SLC18A2: variants seen among roughly 807,000 people sequenced by gnomAD.
SLC18A2 encodes the protein solute carrier family 18 member A2.
In SLC18A2, 33 loss-of-function variants were observed where a neutral mutation model predicts 59.2. The observed-to-expected ratio is 0.56, with a 90% CI of 0.42 to 0.75. The LOEUF (loss-of-function observed/expected upper bound fraction) is 0.75, where lower values mean the gene tolerates loss of function less well. Ranked by LOEUF, SLC18A2 falls within the 30% of genes least tolerant of loss-of-function variation. The pLI is 0.00. For missense variants in SLC18A2, 569 were observed against 668.6 expected (o/e 0.85, Z 1.64); for synonymous variants, 228 against 253.5 (o/e 0.90, Z 0.95).
intron 4 of SLC18A2, among the ~76,000 whole-genome samples, 165 bp from the exon 5 acceptor site, chr10:117,253,883 C>A (rs375971425): frequency 2.6e-5 from 4 of 152,182 alleles, no homozygotes; most frequent in Non-Finnish European, 2.9e-5. Context: ...TGTGTATTGG[C>A]AACAATTGCA....
intron 15 of SLC18A2, among the ~76,000 whole-genome samples, chr10:117,276,291 C>T (rs996017292): frequency 2.0e-5 from 3 of 151,806 alleles, no homozygotes; most frequent in Non-Finnish European, 4.4e-5. Flanking sequence ...AAAACAACAA[C>T]AAAAGATTGT....
chr10:117,266,710 G>C (rs363265), intron 10 of SLC18A2, 23 bp from the exon 11 acceptor site: 2 of 1,557,740 alleles, frequency 1.3e-6, no homozygotes, highest in Non-Finnish European at 8.9e-7. Context: ...CACTGATAAG[G>C]TCTCCTTTTC....
At position 117,257,794 on chromosome 10, in the gene SLC18A2, C is replaced by T. The variant is rs1185147954; in HGVS notation, c.896-3C>T. On this transcript the variant is annotated splice_polypyrimidine_tract_variant and splice_region_variant and intron_variant, in intron 9 of 15. Coordinates refer to ENST00000644641, the MANE Select transcript of SLC18A2 (RefSeq NM_003054.6). ...CACTACAAAGCCCTTTCCTCCCTTACAGGCTCCATCTGCTTTGCAAACATG... is the reference window on the plus strand; with the variant it reads ...CACTACAAAGCCCTTTCCTCCCTTATAGGCTCCATCTGCTTTGCAAACATG... 2.5e-6 allele frequency: 4 copies of T among 1,595,194 alleles called. No individual in the cohort carries two copies. The South Asian group carries it at 3.4e-5, about 13-fold the overall frequency.
At chr10:117,266,611 G>A (rs1023606798) in intron 10 of SLC18A2, 122 bp from the exon 11 acceptor site, 4 of 746,612 alleles carry the variant, frequency 5.4e-6, no homozygotes, top group South Asian at 1.9e-5. Context: ...AGCTGCTGGG[G>A]TGTGGGCCCC....
chr10:117,278,888 T>A lies in SLC18A2; in HGVS notation c.*1622T>A, dbSNP rs1211429850. The A allele has an allele frequency of 6.6e-6, 1 of 152,184 alleles. No homozygotes were observed. Among genetic ancestry groups the A allele is most frequent in the African/African-American group, 2.4e-5 (1 of 41,440 alleles). 9.4% of individuals were successfully genotyped at this position (152,184 alleles called of 1,614,324 possible). On this transcript the variant is annotated 3_prime_UTR_variant, in exon 16 of 16. Transcript: ENST00000644641. Reference sequence around the variant, plus strand: ...TTTGGAAGATGGCTCTGGAGGAAACTCTCATATGGCTAAAAAGGCAGGCTA... The same window carrying A: ...TTTGGAAGATGGCTCTGGAGGAAACACTCATATGGCTAAAAAGGCAGGCTA...
chr10:117,273,447 A>G (rs1844449751), intron 15 of SLC18A2, among the ~76,000 whole-genome samples: 1 of 152,164 alleles, frequency 6.6e-6, no homozygotes. Flanking sequence ...TGAAGTTTCT[A>G]ATTGTTGCCA....
chr10:117,271,175 G>T (rs1247638704), intron 15 of SLC18A2, among the ~76,000 whole-genome samples: 1 of 152,220 alleles, frequency 6.6e-6, no homozygotes, highest in Admixed American at 6.5e-5. Context: ...CTTATCTGGT[G>T]TTGCCAGTTT....
At chr10:117,270,011 T>C in intron 13 of SLC18A2, 60 bp from the exon 14 acceptor site, 1 of 1,599,182 alleles carries the variant, frequency 6.3e-7, no homozygotes, top group Non-Finnish European at 8.5e-7. Flanking sequence ...CTCCCTGATA[T>C]TCGGCCCATT....
intron 5 of SLC18A2, 84 bp downstream of exon 5, chr10:117,254,215 G>T: frequency 7.1e-7 from 1 of 1,407,728 alleles, no homozygotes; most frequent in East Asian, 2.3e-5. Flanking sequence ...GGTATTGGTG[G>T]TGGTTGGGGT....
rs1255575709 is a variant in SLC18A2 at position 117,257,867 on chromosome 10, C to G, written c.966C>G (p.Thr322=). 1 of 1,611,702 alleles carries G rather than the reference C, an allele frequency of 6.2e-7. No homozygotes were observed. The highest frequency in any genetic ancestry group is 2.2e-5 in the East Asian group (1 of 44,766). The change falls in exon 10 of 16, where the codon ACC becomes ACG. Residue 322 remains threonine (T), a synonymous_variant. Coordinates refer to ENST00000644641, the MANE Select transcript of SLC18A2 (RefSeq NM_003054.6). ...EPALPIWMME[T]MCSRKWQLGV... The stretch of plus-strand genomic sequence containing the variant: ...CCCTGCCCATCTGGATGATGGAGAC[C>G]ATGTGTTCCCGAAAGTGGCAGCTGG...
rs906999714 is a variant in SLC18A2 at position 117,278,285 on chromosome 10, G to T, written c.*1019G>T. On this transcript the variant is annotated 3_prime_UTR_variant, in exon 16 of 16. Transcript: ENST00000644641. Reference sequence around the variant, plus strand: ...ACTATTTTTTAGACTCCTGAAAGTTGTTCACATCAATGTGAAGACAAATTT... The same window carrying T: ...ACTATTTTTTAGACTCCTGAAAGTTTTTCACATCAATGTGAAGACAAATTT... 1.2e-4 allele frequency: 19 copies of T among 152,130 alleles called. No homozygotes were observed. Among genetic ancestry groups the T allele is most frequent in the Admixed American group, 4.6e-4 (7 of 15,254 alleles). The allele number at this position is 152,130 out of a possible 1,614,324, so 9.4% of individuals were successfully genotyped here.
intron 3 of SLC18A2, among the ~76,000 whole-genome samples, chr10:117,249,528 A>C (rs1359513744): frequency 3.3e-5 from 5 of 152,156 alleles, no homozygotes; most frequent in African/African-American, 1.2e-4. Flanking sequence ...TGTAGGGATC[A>C]CTGGAAGGGA....
chr10:117,254,831 TC>T (rs1364633707), intron 6 of SLC18A2, among the ~76,000 whole-genome samples: 2 of 152,110 alleles, frequency 1.3e-5, no homozygotes, highest in Non-Finnish European at 2.9e-5. Flanking sequence ...TGGGTCTGCC[TC>T]CCCCAGCTGC....
Position 117,265,540 on chromosome 10 carries a change from G to C in SLC18A2, c.992-1193G>C, listed in dbSNP as rs142422149. Among the ~76,000 whole-genome samples, 379 of 152,228 alleles carry C rather than the reference G, an allele frequency of 2.5e-3. 3 individuals carry two copies. The highest frequency in any genetic ancestry group is 8.5e-3 in the African/African-American group (351 of 41,520). ...CAAGGAAAAAATACTAAAATCACTA[G>C]GAGTTTGAAAAGCAGTCACTCATAA... On this transcript the variant is annotated intron_variant, in intron 10 of 15. Coordinates refer to ENST00000644641, the MANE Select transcript of SLC18A2 (RefSeq NM_003054.6).
rs892202219 is a variant in SLC18A2 at position 117,277,486 on chromosome 10, T to C, written c.*220T>C. 6.6e-6 allele frequency: 2 copies of C among 303,852 alleles called. No homozygotes were observed. Among genetic ancestry groups the C allele is most frequent in the African/African-American group, 2.2e-5 (1 of 46,110 alleles). The allele number at this position is 303,852 out of a possible 1,614,324, so 18.8% of individuals were successfully genotyped here. A position where few individuals can be genotyped will look rare whatever the true frequency, so the allele number is the denominator to read the frequency against. ...TTGTATAAATAGTGTTGAAACTTTA[T>C]TTTATGTATTTAATTTTATTAAATA... On this transcript the variant is annotated 3_prime_UTR_variant, in exon 16 of 16. Transcript: ENST00000644641.
rs1167186626 is a variant in SLC18A2 at position 117,267,876 on chromosome 10, C to T, written c.1186+140C>T. On this transcript the variant is annotated intron_variant, in intron 13 of 15. Coordinates refer to ENST00000644641, the MANE Select transcript of SLC18A2 (RefSeq NM_003054.6). Reference sequence around the variant, plus strand: ...GGCTGCAGGCAGCTTAGCTAAATTACAGCCTGTCGATTCTCCGTGTAAAGA... The same window carrying T: ...GGCTGCAGGCAGCTTAGCTAAATTATAGCCTGTCGATTCTCCGTGTAAAGA... The T allele has an allele frequency of 1.8e-5, 10 of 557,236 alleles. No individual in the cohort carries two copies. In the East Asian group the frequency reaches 2.5e-4, roughly 14 times the overall value. 34.5% of individuals were successfully genotyped at this position (557,236 alleles called of 1,614,324 possible). A position where few individuals can be genotyped will look rare whatever the true frequency, so the allele number is the denominator to read the frequency against.
intron 10 of SLC18A2, among the ~76,000 whole-genome samples, chr10:117,266,088 TCAA>T (rs1844345348): frequency 2.5e-5 from 1 of 40,184 alleles, no homozygotes. Context: ...AGACTCCATC[TCAA>T]AAAAAAAAAA....
rs1422934562 is a variant in SLC18A2 at position 117,269,576 on chromosome 10, G to A, written c.1187-495G>A. The stretch of plus-strand genomic sequence containing the variant: ...GTGTGGTCAAGCCTCGCCTCTCTGA[G>A]TATTGGTTTCCTCATCTATAAAATG... On this transcript the variant is annotated intron_variant, in intron 13 of 15. Transcript: ENST00000644641. The surrounding 1 kb of genome is among the most constrained non-coding windows in gnomAD (Gnocchi z 5.1). Among the ~76,000 whole-genome samples, 3 of 152,180 alleles carry A rather than the reference G, an allele frequency of 2.0e-5. No individual in the cohort carries two copies. Among genetic ancestry groups the A allele is most frequent in the East Asian group, 3.9e-4 (2 of 5,188 alleles).
chr10:117,246,955 G>A (rs554422641), intron 3 of SLC18A2, among the ~76,000 whole-genome samples: 2 of 152,304 alleles, frequency 1.3e-5, no homozygotes, highest in South Asian at 2.1e-4. Context: ...CCCTCAGCGA[G>A]CAAATAAATT....
Sources: allele counts gnomAD v4.1 joint callset (sites outside exome capture counted in the v4.1 genomes callset), GRCh38; gene constraint gnomAD v4.1.1; non-coding constraint Gnocchi (gnomAD v3.1); transcripts MANE v1.5; gene names NCBI Gene and HGNC (gene_info 2026-07-23, HGNC 2026-07-21).